Variants in ASCC1 observed in about 807,000 individuals in gnomAD.
ASCC1 encodes ASC-1 complex subunit P50.
In ASCC1, 35 loss-of-function variants were observed where a neutral mutation model predicts 46.6. The observed-to-expected ratio is 0.75, with a 90% CI of 0.57 to 0.99. The LOEUF (loss-of-function observed/expected upper bound fraction) is 0.99, where lower values mean the gene tolerates loss of function less well. ASCC1 is among the 50% of genes least tolerant of loss of function. The pLI is 0.00. For missense variants in ASCC1, 376 were observed against 428.7 expected (o/e 0.88, Z 1.09); for synonymous variants, 143 against 146.6 (o/e 0.98, Z 0.18).
chr10:72,206,730 C>G (rs1333953574), intron 3 of ASCC1, among the ~76,000 whole-genome samples: 1 of 152,138 alleles, frequency 6.6e-6, no homozygotes, highest in Non-Finnish European at 1.5e-5. Flanking sequence ...CTATGAGGAA[C>G]ATCTGAATCC....
In ASCC1 at chr10:72,203,451, T is replaced by G; in HGVS notation, c.286A>C (p.Lys96Gln). 1.9e-6 allele frequency: 3 copies of G among 1,613,588 alleles called. No homozygotes were observed. Among genetic ancestry groups the G allele is most frequent in the South Asian group, 2.2e-5 (2 of 91,074 alleles). ...CCAATTTCCCCGTCTTGTCCAGGTT[T>G]AGGAATGCTAATAGAAGTTTTGGTC... is the stretch of plus-strand genomic sequence containing the variant. ...METKTSISIP[K>Q]PGQDGEIVIT... Residue 96 changes from lysine to glutamine, a missense_variant, in exon 4 of 10, where the codon AAA (lysine) becomes CAA (glutamine). Physicochemically the swap from Lys to Gln is moderately conservative, Grantham distance 53. Transcript: ENST00000672957.
At chr10:72,124,934 T>C (rs1394584510) in intron 9 of ASCC1, among the ~76,000 whole-genome samples, 2 of 152,118 alleles carry the variant, frequency 1.3e-5, no homozygotes, top group Non-Finnish European at 2.9e-5. Context: ...TAGTTGTCAG[T>C]TCTTAATTCA....
At chr10:72,190,386 T>A (rs1854237337) in intron 5 of ASCC1, 3 of 1,582,168 alleles carry the variant, frequency 1.9e-6, no homozygotes, top group East Asian at 2.2e-5. Flanking sequence ...CATAAAGCTA[T>A]CAGAAGAAAT....
At chr10:72,203,342 A>T in intron 4 of ASCC1, 85 bp downstream of exon 4, 1 of 994,028 alleles carries the variant, frequency 1.0e-6, no homozygotes, top group Non-Finnish European at 1.6e-6. Context: ...CAGAAAACAT[A>T]GTTACTAAAC....
intron 9 of ASCC1, among the ~76,000 whole-genome samples, chr10:72,120,531 T>G (rs1057001744): frequency 1.3e-5 from 2 of 148,308 alleles, no homozygotes; most frequent in South Asian, 4.2e-4. Context: ...TTTCCTAAAT[T>G]AATGTCAGAT....
At chr10:72,172,495 T>C (rs1202567269) in intron 5 of ASCC1, among the ~76,000 whole-genome samples, 1 of 149,620 alleles carries the variant, frequency 6.7e-6, no homozygotes, top group South Asian at 2.1e-4. Flanking sequence ...TTATAGATGT[T>C]GGGCTTTTTT....
intron 7 of ASCC1, among the ~76,000 whole-genome samples, chr10:72,147,798 G>A (rs535806969): frequency 3.3e-5 from 5 of 152,204 alleles, no homozygotes; most frequent in South Asian, 4.1e-4. Flanking sequence ...TCTAAGCACC[G>A]TGCCAGGCAA....
intron 9 of ASCC1, among the ~76,000 whole-genome samples, chr10:72,104,125 C>T (rs1411832030): frequency 6.6e-6 from 1 of 152,136 alleles, no homozygotes; most frequent in African/African-American, 2.4e-5. Context: ...GAGATTCACA[C>T]CCAGACAGCC....
chr10:72,210,821 C>G lies in ASCC1; in HGVS notation c.123G>C (p.Glu41Asp), dbSNP rs745314344. 1 of 1,613,846 alleles carries G rather than the reference C, an allele frequency of 6.2e-7. No homozygotes were observed. Among genetic ancestry groups the G allele is most frequent in the South Asian group, 1.1e-5 (1 of 91,060 alleles). ...DEEDFYQGSMECADEPCDAYE... is the reference protein window; with the variant it reads ...DEEDFYQGSMDCADEPCDAYE... ...AGGCATCACAGGGCTCATCAGCACA[C>G]TCCATGGAGCCTGCACAGAAACCAT... Residue 41 changes from glutamate to aspartate, a missense_variant, in exon 3 of 10, where the codon GAG becomes GAC. Physicochemically the swap from Glu to Asp is conservative, Grantham distance 45. Transcript: ENST00000672957.
intron 3 of ASCC1, among the ~76,000 whole-genome samples, chr10:72,204,804 G>C (rs751026753): frequency 5.9e-5 from 9 of 152,194 alleles, no homozygotes; most frequent in Non-Finnish European, 8.8e-5. Context: ...TTGGGATAGA[G>C]ATTGTAGGGC....
chr10:72,175,672 A>C (rs1851776085), intron 5 of ASCC1, among the ~76,000 whole-genome samples: 1 of 152,240 alleles, frequency 6.6e-6, no homozygotes, highest in Non-Finnish European at 1.5e-5. Flanking sequence ...CATTGTCTAA[A>C]GATCTTTACC....
chr10:72,145,060 TACAC>T lies in ASCC1; in HGVS notation c.746+7805_746+7808del, dbSNP rs536379785. On this transcript the variant is annotated intron_variant, in intron 7 of 9. Coordinates refer to ENST00000672957, the MANE Select transcript of ASCC1 (RefSeq NM_001198800.3). Reference sequence around the variant, plus strand: ...TTTAAATATTTTGTTTTTTCCTGAGTACACAATTCCAGGTTGCCAGTTGTTTTAA... The same window carrying T: ...TTTAAATATTTTGTTTTTTCCTGAGTAATTCCAGGTTGCCAGTTGTTTTAA... Among the ~76,000 whole-genome samples, 54 of 152,318 alleles carry T rather than the reference TACAC, an allele frequency of 3.5e-4. 1 individual carries two copies. In the East Asian group the frequency reaches 0.01, roughly 28 times the overall value.
chr10:72,164,269 C>T (rs1287432672), intron 5 of ASCC1, among the ~76,000 whole-genome samples: 1 of 152,098 alleles, frequency 6.6e-6, no homozygotes, highest in African/African-American at 2.4e-5. Context: ...GCCCTCATAC[C>T]CATTTAAATA....
At chr10:72,109,861 C>A (rs1412468210) in intron 9 of ASCC1, among the ~76,000 whole-genome samples, 1 of 152,234 alleles carries the variant, frequency 6.6e-6, no homozygotes, top group Non-Finnish European at 1.5e-5. Context: ...GAACCCACAC[C>A]TAATCTCCGC....
At chr10:72,160,246 C>A (rs1849485181) in intron 6 of ASCC1, among the ~76,000 whole-genome samples, 1 of 152,100 alleles carries the variant, frequency 6.6e-6, no homozygotes, top group South Asian at 2.1e-4. Flanking sequence ...AATTTTAGAT[C>A]CTTTTACCTT....
At chr10:72,101,941 C>T (rs1485671498) in intron 9 of ASCC1, among the ~76,000 whole-genome samples, 3 of 151,934 alleles carry the variant, frequency 2.0e-5, no homozygotes, top group East Asian at 3.9e-4. Context: ...ATGATGAGAA[C>T]TTATAAACAC....
rs1202339529 is a variant in ASCC1 at position 72,172,765 on chromosome 10, T to C, written c.490-11091A>G. On this transcript the variant is annotated intron_variant, in intron 5 of 9. Transcript: ENST00000672957. ...ACATATATTATATATTTTTATATTA[T>C]ATATTATATTTTTTATATTATATAT... Among the ~76,000 whole-genome samples the C allele has an allele frequency of 1.0e-4, 11 of 106,056 alleles. No homozygotes were observed. The South Asian group carries it at 2.6e-3, about 25-fold the overall frequency. 69.6% of individuals were successfully genotyped at this position (106,056 alleles called of 152,430 possible).
intron 6 of ASCC1, chr10:72,159,276 T>G (rs917276259): frequency 2.6e-5 from 4 of 152,190 alleles, no homozygotes; most frequent in African/African-American, 9.7e-5. Flanking sequence ...TGCTCTTTAT[T>G]CCCCAGGCAC....
rs570831267 is a variant in ASCC1, at chr10:72,146,951, G to T, written c.746+5918C>A. ...TTCACATAAAGAAAAAGATTGAATG[G>T]TCCTTAAAAACAGGGCCATGTGTTA... On this transcript the variant is annotated intron_variant, in intron 7 of 9. Coordinates refer to ENST00000672957, the MANE Select transcript of ASCC1 (RefSeq NM_001198800.3). Among the ~76,000 whole-genome samples, 199 of 151,700 alleles carry T rather than the reference G, an allele frequency of 1.3e-3. 1 individual carries two copies. The highest frequency in any genetic ancestry group is 4.6e-3 in the African/African-American group (191 of 41,338).
Sources: gnomAD v4.1 joint callset for allele counts (sites outside exome capture counted in the v4.1 genomes callset) on GRCh38, gnomAD v4.1.1 for gene constraint, MANE v1.5 for transcripts, NCBI Gene and HGNC (gene_info 2026-07-23, HGNC 2026-07-21) for gene names.